TACC1: variants seen among roughly 807,000 people sequenced by gnomAD.
TACC1 encodes the protein transforming acidic coiled-coil-containing protein 1.
In TACC1, 48 loss-of-function variants were observed where a neutral mutation model predicts 84.4. The ratio of observed to expected loss-of-function variants is 0.57; its 90% CI spans 0.45 to 0.72. The LOEUF is 0.72. TACC1 is among the 30% of genes least tolerant of loss of function. The pLI is 0.00. For synonymous variants in TACC1, 372 were observed against 376.3 expected (o/e 0.99, Z 0.13); for missense variants, 920 against 973.0 (o/e 0.95, Z 0.72).
chr8:38,755,223 C>T (rs1433572726), intron 3 of TACC1, among the ~76,000 whole-genome samples: 1 of 149,306 alleles, frequency 6.7e-6, no homozygotes, highest in Non-Finnish European at 1.5e-5. Context: ...TTTTCTGATT[C>T]TTTCTGGAAC....
At chr8:38,793,073 G>A (rs1272924071) in intron 2 of TACC1, among the ~76,000 whole-genome samples, 3 of 152,160 alleles carry the variant, frequency 2.0e-5, no homozygotes, top group Admixed American at 1.3e-4. Flanking sequence ...CTCTCTCTGA[G>A]AAAGAGAATC....
At chr8:38,784,137 G>A (rs1816669358), upstream of TACC1, among the ~76,000 whole-genome samples, 1 of 152,188 alleles carries the variant, frequency 6.6e-6, no homozygotes, top group Non-Finnish European at 1.5e-5. Flanking sequence ...AGGTAAGAAC[G>A]AAGCCAGGAC....
chr8:38,777,802 GA>G (rs1253515491), intron 3 of TACC1, among the ~76,000 whole-genome samples: 5 of 151,818 alleles, frequency 3.3e-5, no homozygotes, highest in Non-Finnish European at 7.4e-5. Flanking sequence ...CTCTAAAAGA[GA>G]AAAAAAAGAC....
chr8:38,742,934 C>T (rs1342139865), intron 2 of TACC1, among the ~76,000 whole-genome samples: 1 of 152,122 alleles, frequency 6.6e-6, no homozygotes, highest in Admixed American at 6.6e-5. Context: ...AGGCCGGTCT[C>T]GAACTCCTGA....
exon 3 of TACC1, chr8:38,745,099 T>A (rs17513131): frequency 0.22 from 39,056 of 175,880 alleles, 4,673 homozygotes; most frequent in Non-Finnish European, 0.25. Flanking sequence ...AGATCATGAA[T>A]GCTGAAAATA....
Position 38,735,540 on chromosome 8 carries a change from C to T in TACC1, c.-674-6811C>T, listed in dbSNP as rs556115422. 5.2e-4 allele frequency among the ~76,000 whole-genome samples: 79 copies of T among 152,238 alleles called. 2 individuals carry two copies. The South Asian group carries it at 0.015, about 30-fold the overall frequency. Reference sequence around the variant, plus strand: ...GAGGATTTAGTCCACTTCTTCCTTTCCCGCTGCTTCCATGGGCTGGTGGTG... The same window carrying T: ...GAGGATTTAGTCCACTTCTTCCTTTTCCGCTGCTTCCATGGGCTGGTGGTG... On this transcript the variant is annotated intron_variant, in intron 1 of 14. Transcript: ENST00000518415.
chr8:38,783,106 C>CTATATATATATA (rs72048692), upstream of TACC1, among the ~76,000 whole-genome samples: 1 of 87,426 alleles, frequency 1.1e-5, no homozygotes, highest in Non-Finnish European at 2.6e-5. Context: ...ATCTATCTAT[C>CTATATATATATA]TATATATATA....
At chr8:38,792,023 C>T (rs1053553227) in intron 2 of TACC1, among the ~76,000 whole-genome samples, 2 of 152,126 alleles carry the variant, frequency 1.3e-5, no homozygotes, top group Non-Finnish European at 2.9e-5. Context: ...AGTTAAGTGG[C>T]GGATAAGGTT....
At chr8:38,792,638 T>G (rs1818962460) in intron 2 of TACC1, among the ~76,000 whole-genome samples, 1 of 152,174 alleles carries the variant, frequency 6.6e-6, no homozygotes, top group South Asian at 2.1e-4. Context: ...GCTAATTTTT[T>G]GTATTTTTAG....
At chr8:38,814,442 A>C (rs1414418762) in intron 2 of TACC1, among the ~76,000 whole-genome samples, 2 of 152,244 alleles carry the variant, frequency 1.3e-5, no homozygotes, top group East Asian at 1.9e-4. Context: ...GTGTTTAGAT[A>C]CACAAATACT....
At chr8:38,830,432 G>A (rs1329592453) in intron 5 of TACC1, among the ~76,000 whole-genome samples, 8 of 152,104 alleles carry the variant, frequency 5.3e-5, no homozygotes, top group Non-Finnish European at 8.8e-5. Flanking sequence ...GCGCCACCAC[G>A]CCCAGCTAAT....
Position 38,840,250 on chromosome 8 carries a change from CTA to C in TACC1, c.1945_1946del (p.Ile649CysfsTer5). The C allele has an allele frequency of 1.2e-6, 2 of 1,612,706 alleles. No individual in the cohort carries two copies. Among genetic ancestry groups the C allele is most frequent in the Non-Finnish European group, 1.7e-6 (2 of 1,179,066 alleles). On this transcript the variant is annotated frameshift_variant, in exon 9 of 13. Coordinates refer to ENST00000317827, the MANE Select transcript of TACC1 (RefSeq NM_006283.3). LOFTEE classifies it high-confidence loss of function. Reference sequence around the variant, plus strand: ...AAAATTGTAGCTGAATATGAAAAGACTATTGCTCAAATGATTGGTAAGGAGAA... The same window carrying C: ...AAAATTGTAGCTGAATATGAAAAGACTTGCTCAAATGATTGGTAAGGAGAA...
intron 2 of TACC1, among the ~76,000 whole-genome samples, chr8:38,794,177 T>TA (rs1483100767): frequency 1.3e-5 from 2 of 152,198 alleles, no homozygotes; most frequent in Non-Finnish European, 2.9e-5. Flanking sequence ...TAAGGAGGAA[T>TA]AAAAATTATT....
chr8:38,839,424 A>C, intron 8 of TACC1: 1 of 387,512 alleles, frequency 2.6e-6, no homozygotes, highest in Non-Finnish European at 4.6e-6. Flanking sequence ...TCAACACTTG[A>C]ATGATTAAAA....
intron 3 of TACC1, among the ~76,000 whole-genome samples, chr8:38,779,927 T>G (rs1028896240): frequency 6.6e-6 from 1 of 152,252 alleles, no homozygotes; most frequent in African/African-American, 2.4e-5. Context: ...TAAGCAGTTA[T>G]AATTGTTCAC....
chr8:38,834,741 A>G (rs1829894954), intron 6 of TACC1, among the ~76,000 whole-genome samples: 1 of 152,186 alleles, frequency 6.6e-6, no homozygotes. Flanking sequence ...AGCATTTTCT[A>G]GAGAGAGGGT....
At chr8:38,830,965 A>G (rs1829101464) in intron 5 of TACC1, among the ~76,000 whole-genome samples, 160 bp from the exon 6 acceptor site, 1 of 152,244 alleles carries the variant, frequency 6.6e-6, no homozygotes, top group Admixed American at 6.5e-5. Flanking sequence ...TTATAACAGC[A>G]CTCAACAAAA....
At position 38,827,165 on chromosome 8, in the gene TACC1, C is replaced by T. The variant is rs1351902899; in HGVS notation, c.1453-3C>T. The T allele has an allele frequency of 6.2e-7, 1 of 1,612,252 alleles. No homozygotes were observed. On this transcript the variant is annotated splice_region_variant and splice_polypyrimidine_tract_variant and intron_variant, in intron 4 of 12. Coordinates refer to ENST00000317827, the MANE Select transcript of TACC1 (RefSeq NM_006283.3). ...GTAGCATCTTCTCTGTTGTGTTTCT[C>T]AGGATGAAGGGGCAGTGATCTCCCA...
intron 5 of TACC1, chr8:38,828,134 T>C (rs1394855971): frequency 6.6e-6 from 1 of 152,340 alleles, no homozygotes; most frequent in Non-Finnish European, 1.5e-5. Context: ...GTTATACTCA[T>C]TGTTTAACTT....
Sources: allele counts gnomAD v4.1 joint callset (sites outside exome capture counted in the v4.1 genomes callset), GRCh38; gene constraint gnomAD v4.1.1; transcripts MANE v1.5; gene names NCBI Gene and HGNC (gene_info 2026-07-23, HGNC 2026-07-21).